Variants in HEMK2 observed in about 807,000 individuals in gnomAD.
The protein encoded by HEMK2 is methyltransferase HEMK2.
At chr21:28,672,010 C>T in the HEMK2 span, among the ~76,000 whole-genome samples, 1 of 152,144 alleles carries the variant, frequency 6.6e-6, no homozygotes, top group African/African-American at 2.4e-5. Flanking sequence ...ACCCATCAAT[C>T]ACATGACCAG....
At chr21:28,624,210 G>A in the HEMK2 span, among the ~76,000 whole-genome samples, 27 of 152,144 alleles carry the variant, frequency 1.8e-4, no homozygotes, top group Non-Finnish European at 3.7e-4. Flanking sequence ...AATACCAGAA[G>A]CACAGAGAAA....
chr21:28,831,518 A>AGAAAGAAAGAAAGAAAGAAGGAAG, the HEMK2 span, among the ~76,000 whole-genome samples: 3 of 76,718 alleles, frequency 3.9e-5, no homozygotes, highest in East Asian at 1.4e-3. Context: ...AAAGAAAGAA[A>AGAAAGAAAGAAAGAAAGAAGGAAG]GAAAGAAGGA....
chr21:28,800,436 T>C, the HEMK2 span, among the ~76,000 whole-genome samples: 1 of 152,246 alleles, frequency 6.6e-6, no homozygotes, highest in Non-Finnish European at 1.5e-5. Flanking sequence ...TCACACCCTA[T>C]GTTTCCCTGC....
At chr21:28,714,044 C>T in the HEMK2 span, among the ~76,000 whole-genome samples, 55 of 152,258 alleles carry the variant, frequency 3.6e-4, no homozygotes, top group Non-Finnish European at 4.6e-4. Flanking sequence ...TTGTACTGTA[C>T]GCCAGAATAA....
chr21:28,691,240 T>C, the HEMK2 span, among the ~76,000 whole-genome samples: 2 of 101,506 alleles, frequency 2.0e-5, no homozygotes, highest in Non-Finnish European at 1.7e-5. Flanking sequence ...AGTGAGACAG[T>C]TCATATGAGA....
chr21:28,860,031 T>C, the HEMK2 span, among the ~76,000 whole-genome samples: 1,136 of 152,272 alleles, frequency 7.5e-3, 12 homozygotes, highest in African/African-American at 0.025. Context: ...CACATGTGTA[T>C]AGGCTCAAGT....
At chr21:28,758,440 A>T in the HEMK2 span, among the ~76,000 whole-genome samples, 1 of 152,172 alleles carries the variant, frequency 6.6e-6, no homozygotes, top group African/African-American at 2.4e-5. Context: ...ACAAAAAGGA[A>T]GTTGGTCACA....
At chr21:28,849,733 A>G in the HEMK2 span, among the ~76,000 whole-genome samples, 1 of 152,246 alleles carries the variant, frequency 6.6e-6, no homozygotes, top group Admixed American at 6.5e-5. Flanking sequence ...ATACAATAGT[A>G]AGTACTGACA....
the HEMK2 span, among the ~76,000 whole-genome samples, chr21:28,664,840 G>GAGGGGT: frequency 2.0e-5 from 3 of 152,220 alleles, no homozygotes; most frequent in South Asian, 6.2e-4. Context: ...TGATACTCAA[G>GAGGGGT]AGGGGTAGAT....
the HEMK2 span, among the ~76,000 whole-genome samples, chr21:28,620,865 G>T: frequency 1.3e-5 from 2 of 151,252 alleles, no homozygotes; most frequent in Non-Finnish European, 2.9e-5. Flanking sequence ...GTAGAGACAG[G>T]GTTTCACCAT....
the HEMK2 span, among the ~76,000 whole-genome samples, chr21:28,657,617 C>G: frequency 6.6e-6 from 1 of 152,086 alleles, no homozygotes; most frequent in Non-Finnish European, 1.5e-5. Context: ...AGTCAGAACA[C>G]TTGAGATTCA....
the HEMK2 span, chr21:28,671,129 CGGGAG>C: frequency 6.6e-6 from 1 of 152,210 alleles, no homozygotes; most frequent in African/African-American, 2.4e-5. Context: ...AGAGCCTTCA[CGGGAG>C]GCTCAGGCCT....
At chr21:28,601,604 A>ATCTCTCTCTC in the HEMK2 span, among the ~76,000 whole-genome samples, 1,008 of 126,672 alleles carry the variant, frequency 8.0e-3, 10 homozygotes, top group African/African-American at 0.016. Flanking sequence ...ACCTTCTGAC[A>ATCTCTCTCTC]TCTCTCTCTC....
chr21:28,673,594 A>G, the HEMK2 span, among the ~76,000 whole-genome samples: 1 of 118,554 alleles, frequency 8.4e-6, no homozygotes, highest in Non-Finnish European at 1.7e-5. Flanking sequence ...ATGTCCTTCA[A>G]GGTTTGAGGA....
chr21:28,776,606 T>C, the HEMK2 span, among the ~76,000 whole-genome samples: 1 of 152,142 alleles, frequency 6.6e-6, no homozygotes, highest in Non-Finnish European at 1.5e-5. Flanking sequence ...CAATGGGCCA[T>C]CTGCAAGCTG....
At chr21:28,720,396 C>G in the HEMK2 span, among the ~76,000 whole-genome samples, 1 of 152,054 alleles carries the variant, frequency 6.6e-6, no homozygotes, top group African/African-American at 2.4e-5. Flanking sequence ...CATTATGGTC[C>G]TGGAGTATGA....
At chr21:28,801,437 T>C in the HEMK2 span, among the ~76,000 whole-genome samples, 1 of 152,126 alleles carries the variant, frequency 6.6e-6, no homozygotes, top group South Asian at 2.1e-4. Context: ...AAAAATAAAT[T>C]ATAATTTTGA....
chr21:28,723,664 T>G, the HEMK2 span, among the ~76,000 whole-genome samples: 2 of 152,224 alleles, frequency 1.3e-5, no homozygotes, highest in Non-Finnish European at 2.9e-5. Flanking sequence ...GCTTGTTTCT[T>G]CATCAATAAG....
chr21:28,751,234 G>GAAAAAAAAA, the HEMK2 span, among the ~76,000 whole-genome samples: 89 of 125,366 alleles, frequency 7.1e-4, 1 homozygote, highest in East Asian at 1.8e-3. Context: ...CTGTCTCAAT[G>GAAAAAAAAA]AAAAAAAAAA....
Sources: allele counts gnomAD v4.1 joint callset (sites outside exome capture counted in the v4.1 genomes callset), GRCh38; gene constraint gnomAD v4.1.1; transcripts MANE v1.5; gene names NCBI Gene and HGNC (gene_info 2026-07-23, HGNC 2026-07-21).